Variants in USP4 observed in about 807,000 individuals in gnomAD.
USP4 encodes the protein ubiquitin carboxyl-terminal hydrolase 4.
USP4 carries 72 observed loss-of-function variants against 118.2 expected under a neutral mutation model. That is an observed-to-expected ratio of 0.61 (90% CI 0.50 to 0.74). The LOEUF is 0.74. Ranked by LOEUF, USP4 falls within the 30% of genes least tolerant of loss-of-function variation. USP4 has a pLI of 0.00. For synonymous variants in USP4, 415 were observed against 440.4 expected, an observed-to-expected ratio of 0.94 and a Z score of 0.72; for missense variants, 1,037 against 1,185.7, an observed-to-expected ratio of 0.87 and a Z score of 1.84.
rs749101960 is a variant in USP4, at chr3:49,324,719, C to T, written c.678G>A (p.Arg226=). Residue 226 remains arginine (R), a synonymous_variant, in exon 6 of 22, where the codon AGG becomes AGA. Coordinates refer to ENST00000265560, the MANE Select transcript of USP4 (RefSeq NM_003363.4). ...EPQNEDGTWP[R]QTLQSKSSTA... ...TCACTTACTTTGACTGCAAGGTCTG[C>T]CTGGGCCATGTGCCATCTTCATTTT... is the stretch of plus-strand genomic sequence containing the variant. The T allele has an allele frequency of 3.7e-6, 6 of 1,614,066 alleles. No individual in the cohort carries two copies. Among genetic ancestry groups the T allele is most frequent in the Non-Finnish European group, 5.1e-6 (6 of 1,180,030 alleles).
intron 6 of USP4, chr3:49,311,859 A>T: frequency 7.9e-7 from 1 of 1,263,062 alleles, no homozygotes; most frequent in Non-Finnish European, 1.0e-6. Context: ...ACATCAGTCC[A>T]CACCACCACA....
At chr3:49,314,794 G>A (rs114508808) in intron 6 of USP4, among the ~76,000 whole-genome samples, 2,295 of 152,046 alleles carry the variant, frequency 0.015, 30 homozygotes, top group South Asian at 0.064. Context: ...GGAGGCCAAG[G>A]TGGGAGGACT....
chr3:49,330,703 T>TGGGAGGC (rs1256672351), intron 2 of USP4, among the ~76,000 whole-genome samples: 1 of 151,828 alleles, frequency 6.6e-6, no homozygotes, highest in East Asian at 2.0e-4. Flanking sequence ...CTAAAAATAT[T>TGGGAGGC]GGGAGGCTGG....
At position 49,277,151 on chromosome 3, in the gene USP4, C is replaced by G. The variant is rs767875259; in HGVS notation, c.*1142G>C. On this transcript the variant is annotated 3_prime_UTR_variant, in exon 22 of 22. Transcript: ENST00000265560. ...GCCGCTGGCCCTACCGGCACCCCCCCTTTGGCGAGTCGGCAGCCACGTCCT... is the reference window on the plus strand; with the variant it reads ...GCCGCTGGCCCTACCGGCACCCCCCGTTTGGCGAGTCGGCAGCCACGTCCT... 9.7e-6 allele frequency: 14 copies of G among 1,436,292 alleles called. No individual in the cohort carries two copies. In the African/African-American group the frequency reaches 1.6e-4, roughly 16 times the overall value. The allele number at this position is 1,436,292 out of a possible 1,614,324, so 89.0% of individuals were successfully genotyped here.
At chr3:49,325,916 A>T (rs924644546) in intron 3 of USP4, 71 bp from the exon 4 acceptor site, 2 of 1,566,754 alleles carry the variant, frequency 1.3e-6, no homozygotes, top group African/African-American at 2.7e-5. Flanking sequence ...AGCATATCTT[A>T]TCAGAAGCAA....
intron 10 of USP4, 142 bp downstream of exon 10, chr3:49,302,242 G>T: frequency 2.7e-6 from 2 of 742,606 alleles, no homozygotes; most frequent in South Asian, 2.9e-5. Flanking sequence ...TCTGACCAGA[G>T]ACCATATCCC....
intron 6 of USP4, chr3:49,318,161 G>T: frequency 4.4e-6 from 1 of 228,876 alleles, no homozygotes; most frequent in Non-Finnish European, 7.2e-6. Context: ...AAGAGACAGG[G>T]TCACATTATG....
chr3:49,339,103 C>T (rs1444048256), intron 1 of USP4, among the ~76,000 whole-genome samples: 7 of 152,150 alleles, frequency 4.6e-5, no homozygotes, highest in African/African-American at 7.2e-5. Context: ...GCCAAGATCA[C>T]GCCACTGCAC....
At chr3:49,310,389 A>G (rs1216670922) in intron 8 of USP4, among the ~76,000 whole-genome samples, 1 of 152,190 alleles carries the variant, frequency 6.6e-6, no homozygotes, top group Non-Finnish European at 1.5e-5. Flanking sequence ...ATTCAAAATA[A>G]TCTTACTATA....
chr3:49,299,396 C>CT (rs759272476), intron 11 of USP4, among the ~76,000 whole-genome samples: 338 of 126,002 alleles, frequency 2.7e-3, no homozygotes, highest in Middle Eastern at 5.8e-3. Context: ...CCTGCCTCAA[C>CT]TTTTTTTTTT....
At chr3:49,305,672 A>G (rs1365886332) in intron 9 of USP4, 43 bp downstream of exon 9, 3 of 1,499,568 alleles carry the variant, frequency 2.0e-6, no homozygotes, top group Admixed American at 2.3e-5. Flanking sequence ...CCAGGCATCT[A>G]TATACAGGGA....
intron 8 of USP4, among the ~76,000 whole-genome samples, chr3:49,307,965 T>G (rs2047336844): frequency 6.6e-6 from 1 of 151,928 alleles, no homozygotes; most frequent in Non-Finnish European, 1.5e-5. Flanking sequence ...ATCATGCCAC[T>G]GCACACTAGC....
At chr3:49,328,088 G>GTGGTGGC (rs2047576034) in intron 2 of USP4, among the ~76,000 whole-genome samples, 1 of 151,658 alleles carries the variant, frequency 6.6e-6, no homozygotes, top group African/African-American at 2.4e-5. Context: ...CAGGCTGGGT[G>GTGGTGGC]TGGTGGCTCA....
chr3:49,284,222 CCT>C (rs1049750445), intron 18 of USP4, 86 bp from the exon 19 acceptor site: 17 of 1,534,930 alleles, frequency 1.1e-5, no homozygotes, highest in African/African-American at 6.8e-5. Context: ...GCTGCAGTCC[CCT>C]GATAGCTGCC....
At chr3:49,311,954 G>A (rs2047387059) in intron 6 of USP4, 2 of 1,050,274 alleles carry the variant, frequency 1.9e-6, no homozygotes, top group South Asian at 2.5e-5. Flanking sequence ...GGCTGAGGCA[G>A]GCAGATTGCC....
chr3:49,313,849 T>C (rs566680473), intron 6 of USP4: 1 of 152,270 alleles, frequency 6.6e-6, no homozygotes, highest in African/African-American at 2.4e-5. Context: ...GTAAATCTTA[T>C]TTTAAAGTTT....
intron 8 of USP4, among the ~76,000 whole-genome samples, chr3:49,308,292 C>T (rs566668627): frequency 2.7e-4 from 41 of 152,148 alleles, no homozygotes; most frequent in Admixed American, 1.6e-3. Context: ...ATCAGTTCAC[C>T]TAGGTAATGA....
intron 2 of USP4, among the ~76,000 whole-genome samples, chr3:49,328,831 C>A (rs2107801649): frequency 6.6e-6 from 1 of 151,868 alleles, no homozygotes; most frequent in East Asian, 1.9e-4. Context: ...TGTACTCCAG[C>A]CTGGGTGACA....
At chr3:49,326,144 C>T (rs1013073334) in intron 3 of USP4, among the ~76,000 whole-genome samples, 2 of 151,984 alleles carry the variant, frequency 1.3e-5, no homozygotes, top group African/African-American at 4.8e-5. Context: ...TGGTGAAACC[C>T]CATTTCTATG....
Sources: allele counts gnomAD v4.1 joint callset (sites outside exome capture counted in the v4.1 genomes callset), GRCh38; gene constraint gnomAD v4.1.1; transcripts MANE v1.5; gene names NCBI Gene and HGNC (gene_info 2026-07-23, HGNC 2026-07-21).